Variants in SIGLEC15 observed in about 807,000 individuals in gnomAD.
SIGLEC15 encodes the protein sialic acid-binding Ig-like lectin 15.
In SIGLEC15, 31 loss-of-function variants were observed where a neutral mutation model predicts 26.2. The observed-to-expected ratio is 1.18, with a 90% CI of 0.89 to 1.60. SIGLEC15 has a LOEUF of 1.60. Among genes scored for constraint, SIGLEC15 ranks in the 40% most tolerant of loss-of-function variants. SIGLEC15 has a pLI of 0.00. For missense variants in SIGLEC15, 501 were observed against 488.4 expected (o/e 1.03, Z -0.24); for synonymous variants, 207 against 221.9 (o/e 0.93, Z 0.60).
At chr18:45,829,710 G>A (rs1476205631) in intron 1 of SIGLEC15, among the ~76,000 whole-genome samples, 2 of 152,054 alleles carry the variant, frequency 1.3e-5, no homozygotes, top group Non-Finnish European at 2.9e-5. Context: ...TCCTCATACT[G>A]GCCACTCGTC....
intron 1 of SIGLEC15, among the ~76,000 whole-genome samples, chr18:45,836,045 G>A (rs2048273713): frequency 6.6e-6 from 1 of 152,212 alleles, no homozygotes; most frequent in East Asian, 1.9e-4. Flanking sequence ...TGTGCAGAAG[G>A]AATGTCCCGA....
intron 1 of SIGLEC15, among the ~76,000 whole-genome samples, chr18:45,831,744 T>C (rs1370660220): frequency 4.1e-5 from 1 of 24,126 alleles, no homozygotes; most frequent in East Asian, 1.3e-3. Context: ...TACCAACATC[T>C]TTTTTTTTTT....
intron 1 of SIGLEC15, among the ~76,000 whole-genome samples, chr18:45,833,008 G>A (rs538407851): frequency 2.0e-5 from 3 of 152,242 alleles, no homozygotes; most frequent in East Asian, 3.9e-4. Flanking sequence ...CGTAACCCTT[G>A]GTGAAAGACC....
At position 45,825,844 on chromosome 18, in the gene SIGLEC15, G is replaced by A. The variant is rs2048180910; in HGVS notation, c.52+64G>A. 5 of 1,580,978 alleles carry A rather than the reference G, an allele frequency of 3.2e-6. No homozygotes were observed. The South Asian group carries it at 3.3e-5, about 11-fold the overall frequency. On this transcript the variant is annotated intron_variant, in intron 1 of 5. Transcript: ENST00000389474. Reference sequence around the variant, plus strand: ...AGAATAGATGCTGAAAGCATCTTAGGTACAGTCTCCCCTGGAAGGCAGGAA... The same window carrying A: ...AGAATAGATGCTGAAAGCATCTTAGATACAGTCTCCCCTGGAAGGCAGGAA...
In SIGLEC15 at chr18:45,840,093, T is replaced by G. The variant is rs966222594; in HGVS notation, c.875-118T>G. On this transcript the variant is annotated intron_variant, in intron 4 of 5. Transcript: ENST00000389474. ...CTTCACACCCTGCTAGTCTGCTGTT[T>G]GCTTCAAAAACAGTGGTTTCCTCGA... 4.4e-6 allele frequency: 5 copies of G among 1,136,364 alleles called. No homozygotes were observed. In the Admixed American group the frequency reaches 1.0e-4, roughly 23 times the overall value. The allele number at this position is 1,136,364 out of a possible 1,614,324, so 70.4% of individuals were successfully genotyped here.
chr18:45,831,216 G>A (rs2048232567), intron 1 of SIGLEC15, among the ~76,000 whole-genome samples: 1 of 152,188 alleles, frequency 6.6e-6, no homozygotes, highest in South Asian at 2.1e-4. Flanking sequence ...TGCTACACTC[G>A]CCTGCTGCCG....
At chr18:45,841,999 T>C in intron 5 of SIGLEC15, 107 bp from the exon 6 acceptor site, 1 of 1,043,250 alleles carries the variant, frequency 9.6e-7, no homozygotes, top group Non-Finnish European at 1.5e-6. Context: ...CCAGCCGCAC[T>C]GCTCCCCAGA....
At chr18:45,835,316 A>AG (rs1568079906) in intron 1 of SIGLEC15, among the ~76,000 whole-genome samples, 1 of 152,326 alleles carries the variant, frequency 6.6e-6, no homozygotes, top group East Asian at 1.9e-4. Flanking sequence ...TGCACTAGAG[A>AG]GAAAAAGTAT....
chr18:45,840,353 T>C, intron 5 of SIGLEC15, 112 bp downstream of exon 5: 1 of 1,247,624 alleles, frequency 8.0e-7, no homozygotes, highest in Admixed American at 2.3e-5. Flanking sequence ...GCTGGGGTCC[T>C]ACTTTGACCA....
At chr18:45,828,838 A>G (rs2048208024) in intron 1 of SIGLEC15, among the ~76,000 whole-genome samples, 2 of 152,204 alleles carry the variant, frequency 1.3e-5, no homozygotes, top group African/African-American at 4.8e-5. Flanking sequence ...CAAGACAAAT[A>G]GCAGCGGTCA....
At chr18:45,838,024 T>C (rs1053676891) in intron 3 of SIGLEC15, 128 bp downstream of exon 3, 1 of 1,194,520 alleles carries the variant, frequency 8.4e-7, no homozygotes, top group African/African-American at 1.6e-5. Context: ...CCCTCTCCTC[T>C]ACCCCAGGGA....
chr18:45,831,101 C>T (rs1203410689), intron 1 of SIGLEC15, among the ~76,000 whole-genome samples: 2 of 152,198 alleles, frequency 1.3e-5, no homozygotes, highest in Non-Finnish European at 1.5e-5. Flanking sequence ...GCTGGAGCCC[C>T]GGACAGACCC....
intron 5 of SIGLEC15, 147 bp from the exon 6 acceptor site, chr18:45,841,959 G>A (rs774471869): frequency 2.7e-5 from 20 of 737,312 alleles, no homozygotes; most frequent in Admixed American, 1.1e-4. Flanking sequence ...CCCAGCCTCC[G>A]ATGCCATTCA....
chr18:45,829,222 CA>C, intron 1 of SIGLEC15: 1 of 916,642 alleles, frequency 1.1e-6, no homozygotes, highest in Non-Finnish European at 1.3e-6. Context: ...CAGCCTGCGG[CA>C]GAGGCATGGG....
At position 45,837,107 on chromosome 18, in the gene SIGLEC15, A is replaced by G. The variant is rs1490580416; in HGVS notation, c.112+19A>G. On this transcript the variant is annotated intron_variant, in intron 2 of 5. Coordinates refer to ENST00000389474, the MANE Select transcript of SIGLEC15 (RefSeq NM_213602.3). ...GTGCACAGTAAGTGCTTTTATTATT[A>G]TCACCATCTCGGGGATCTTGGGAGT... 1.9e-6 allele frequency: 3 copies of G among 1,612,724 alleles called. No homozygotes were observed. In the South Asian group the frequency reaches 3.3e-5, roughly 18 times the overall value.
At chr18:45,833,943 A>G (rs944024570) in intron 1 of SIGLEC15, among the ~76,000 whole-genome samples, 1 of 152,198 alleles carries the variant, frequency 6.6e-6, no homozygotes, top group African/African-American at 2.4e-5. Flanking sequence ...ATCCATGGCA[A>G]CATGACACAT....
At chr18:45,835,749 C>G (rs2048271118) in intron 1 of SIGLEC15, among the ~76,000 whole-genome samples, 1 of 152,176 alleles carries the variant, frequency 6.6e-6, no homozygotes, top group African/African-American at 2.4e-5. Flanking sequence ...TTTCCAGGCA[C>G]AGCTCCCACA....
rs1043189334 is a variant in SIGLEC15, at chr18:45,839,198, G to T, written c.874+103G>T. On this transcript the variant is annotated intron_variant, in intron 4 of 5. Coordinates refer to ENST00000389474, the MANE Select transcript of SIGLEC15 (RefSeq NM_213602.3). ...ACCCCCTGGCACTGCCAGAATGTCG[G>T]TTTTTTTGCCCTATGCATCGTGGCG... The T allele has an allele frequency of 2.0e-5, 26 of 1,317,318 alleles. No homozygotes were observed. The African/African-American group carries it at 3.3e-4, about 17-fold the overall frequency. The allele number at this position is 1,317,318 out of a possible 1,614,324, so 81.6% of individuals were successfully genotyped here.
rs1416517766 is a variant in SIGLEC15, at chr18:45,838,929, G to T, written c.708G>T (p.Thr236=). 1 of 1,604,470 alleles carries T rather than the reference G, an allele frequency of 6.2e-7. No individual in the cohort carries two copies. Among genetic ancestry groups the T allele is most frequent in the South Asian group, 1.1e-5 (1 of 90,464 alleles). ...LPALTHDGRY[T]CTAANSLGRS... Reference sequence around the variant, plus strand: ...CACTGACCCATGACGGCCGCTACACGTGTACGGCCGCCAACAGCCTGGGCC... The same window carrying T: ...CACTGACCCATGACGGCCGCTACACTTGTACGGCCGCCAACAGCCTGGGCC... Residue 236 remains threonine (T), a synonymous_variant, in exon 4 of 6, where the codon ACG becomes ACT. Transcript: ENST00000389474.
Sources: allele counts gnomAD v4.1 joint callset (sites outside exome capture counted in the v4.1 genomes callset), GRCh38; gene constraint gnomAD v4.1.1; transcripts MANE v1.5; gene names NCBI Gene and HGNC (gene_info 2026-07-23, HGNC 2026-07-21).